The following FGGY variants were observed in gnomAD, a reference collection of about 807,000 sequenced individuals.
FGGY encodes the protein FGGY carbohydrate kinase domain containing.
In FGGY, 72 loss-of-function variants were observed where a neutral mutation model predicts 71.3. The observed-to-expected ratio is 1.01, with a 90% confidence interval of 0.84 to 1.23. The LOEUF (loss-of-function observed/expected upper bound fraction) is 1.23, where lower values mean the gene tolerates loss of function less well. Among genes scored for constraint, FGGY ranks in the 50% most tolerant of loss-of-function variants. The probability of loss-of-function intolerance (pLI) is 0.00; values close to 1 mark genes in which losing one functional copy is unlikely to be tolerated. For synonymous variants in FGGY, 251 were observed against 250.3 expected (o/e 1.00, Z -0.02); for missense variants, 668 against 682.3 (o/e 0.98, Z 0.23).
intron 8 of FGGY, among the ~76,000 whole-genome samples, chr1:59,591,909 C>T (rs528673275): frequency 6.6e-6 from 1 of 152,262 alleles, no homozygotes; most frequent in Admixed American, 6.5e-5. Context: ...ACACCAAAAG[C>T]AATGGCAACA....
chr1:59,519,645 C>T (rs890399827), intron 7 of FGGY, among the ~76,000 whole-genome samples: 8 of 152,164 alleles, frequency 5.3e-5, no homozygotes, highest in Admixed American at 5.2e-4. Flanking sequence ...AGAACAAATA[C>T]AACCACCACT....
At chr1:59,549,862 G>T (rs938745056) in intron 7 of FGGY, among the ~76,000 whole-genome samples, 3 of 152,176 alleles carry the variant, frequency 2.0e-5, no homozygotes, top group African/African-American at 7.2e-5. Context: ...AAGGGAGACA[G>T]CATATTAAAT....
intron 14 of FGGY, among the ~76,000 whole-genome samples, chr1:59,687,872 G>A (rs2097557748): frequency 6.6e-6 from 1 of 152,116 alleles, no homozygotes; most frequent in Non-Finnish European, 1.5e-5. Context: ...ACTGGACTCT[G>A]ACTGATATCA....
chr1:59,687,531 A>G (rs1257470129), intron 14 of FGGY, among the ~76,000 whole-genome samples: 1 of 151,672 alleles, frequency 6.6e-6, no homozygotes, highest in African/African-American at 2.4e-5. Flanking sequence ...CAGTGGCACA[A>G]TCTCGGCTCA....
chr1:59,751,380 C>T (rs572494097), intron 14 of FGGY, among the ~76,000 whole-genome samples: 157 of 152,234 alleles, frequency 1.0e-3, no homozygotes, highest in African/African-American at 3.7e-3. Context: ...CCATATACCC[C>T]CATCAGTTAA....
chr1:59,715,213 C>A (rs1410077688), intron 14 of FGGY, among the ~76,000 whole-genome samples: 1 of 152,124 alleles, frequency 6.6e-6, no homozygotes, highest in East Asian at 1.9e-4. Flanking sequence ...GGGAAGCTTG[C>A]CCTATTTGTG....
At chr1:59,363,830 C>T (rs1404553647) in intron 4 of FGGY, among the ~76,000 whole-genome samples, 1 of 152,128 alleles carries the variant, frequency 6.6e-6, no homozygotes, top group Non-Finnish European at 1.5e-5. Context: ...GAGGTTGGAC[C>T]GTTAGGGATC....
intron 6 of FGGY, among the ~76,000 whole-genome samples, chr1:59,466,488 A>G (rs1237459288): frequency 6.6e-6 from 1 of 152,224 alleles, no homozygotes; most frequent in East Asian, 1.9e-4. Context: ...TGGCACCAAA[A>G]GCCAAAATTG....
chr1:59,515,405 TTGGACTG>T (rs2094618109), intron 7 of FGGY, among the ~76,000 whole-genome samples: 1 of 152,172 alleles, frequency 6.6e-6, no homozygotes, highest in South Asian at 2.1e-4. Flanking sequence ...AGATGAGACT[TTGGACTG>T]TGGACTTTTG....
chr1:59,614,682 TC>T (rs2096731198), intron 9 of FGGY, among the ~76,000 whole-genome samples: 2 of 152,144 alleles, frequency 1.3e-5, no homozygotes, highest in Admixed American at 1.3e-4. Context: ...TAAAGGGTAT[TC>T]AATTAGGAAA....
At position 59,323,426 on chromosome 1, in the gene FGGY, G is replaced by A. The variant is rs549035440; in HGVS notation, c.201+1676G>A. ...ACCTAAATGAAGCCCTTGGGTCTTA[G>A]GCGATTCTCCTCAGATGGAGTATGG... is the stretch of plus-strand genomic sequence containing the variant. On this transcript the variant is annotated intron_variant, in intron 2 of 15. Transcript: ENST00000303721. 3.9e-5 allele frequency among the ~76,000 whole-genome samples: 6 copies of A among 152,340 alleles called. No individual in the cohort carries two copies. In the South Asian group the frequency reaches 1.2e-3, roughly 32 times the overall value.
At chr1:59,332,759 A>G (rs1031654979) in intron 2 of FGGY, among the ~76,000 whole-genome samples, 3 of 152,108 alleles carry the variant, frequency 2.0e-5, no homozygotes, top group Non-Finnish European at 2.9e-5. Context: ...CCTTGCTCCT[A>G]CTAGGTTACT....
rs376204967 is a variant in FGGY, at chr1:59,758,037, C to T, written c.1574+45C>T. 1.5e-4 allele frequency: 194 copies of T among 1,273,950 alleles called. No homozygotes were observed. In the African/African-American group the frequency reaches 2.2e-3, roughly 14 times the overall value. The allele number at this position is 1,273,950 out of a possible 1,614,324, so 78.9% of individuals were successfully genotyped here. On this transcript the variant is annotated intron_variant, in intron 15 of 15. Transcript: ENST00000303721. ...ATGTACAGTGCTAAGGAAGTGAGCA[C>T]ATACACACACACATGCAACTATAGA...
intron 14 of FGGY, among the ~76,000 whole-genome samples, chr1:59,740,705 T>C (rs111936027): frequency 6.6e-6 from 1 of 152,262 alleles, no homozygotes; most frequent in African/African-American, 2.4e-5. Flanking sequence ...TCAGAGACTC[T>C]TTCATCTCCT....
intron 14 of FGGY, among the ~76,000 whole-genome samples, chr1:59,719,767 T>G (rs2097872552): frequency 6.6e-6 from 1 of 152,214 alleles, no homozygotes; most frequent in African/African-American, 2.4e-5. Context: ...GAACATTCTT[T>G]CATTTAATAT....
In FGGY at chr1:59,504,312, C is replaced by A. The variant is rs141230071; in HGVS notation, c.671-7999C>A. Among the ~76,000 whole-genome samples the A allele has an allele frequency of 3.7e-3, 559 of 152,226 alleles. 5 individuals carry two copies. The highest frequency in any genetic ancestry group is 0.013 in the African/African-American group (543 of 41,512). ...CCCTGAGTTATGTGAGCTGCTCTAG[C>A]AAATTAATCAAACCCAAAGACAGGG... On this transcript the variant is annotated intron_variant, in intron 6 of 15. Transcript: ENST00000303721.
chr1:59,574,353 A>C (rs2096042348), intron 8 of FGGY, among the ~76,000 whole-genome samples: 1 of 152,196 alleles, frequency 6.6e-6, no homozygotes, highest in Non-Finnish European at 1.5e-5. Context: ...TGTCTCTTAC[A>C]AGAACAGTTA....
intron 14 of FGGY, among the ~76,000 whole-genome samples, chr1:59,721,424 C>T (rs574778315): frequency 6.9e-6 from 1 of 144,912 alleles, no homozygotes; most frequent in East Asian, 2.1e-4. Context: ...CTGCAGCCTC[C>T]ACCTCCTAGG....
chr1:59,562,748 G>A (rs1318656880), intron 8 of FGGY, among the ~76,000 whole-genome samples: 2 of 152,180 alleles, frequency 1.3e-5, no homozygotes, highest in African/African-American at 4.8e-5. Context: ...ATCATGAAAT[G>A]GGCACAACAA....
Sources: gnomAD v4.1 joint callset for allele counts (sites outside exome capture counted in the v4.1 genomes callset) on GRCh38, gnomAD v4.1.1 for gene constraint, MANE v1.5 for transcripts, NCBI Gene and HGNC (gene_info 2026-07-23, HGNC 2026-07-21) for gene names.